Variants in PEX7 observed in about 807,000 individuals in gnomAD.
PEX7 encodes the protein PTS2 receptor.
PEX7 carries 34 observed loss-of-function variants against 47.5 expected under a neutral mutation model. The observed-to-expected ratio is 0.72, with a 90% CI of 0.54 to 0.95. The LOEUF (loss-of-function observed/expected upper bound fraction) is 0.95, where lower values mean the gene tolerates loss of function less well. Ranked by LOEUF, PEX7 falls within the 40% of genes least tolerant of loss-of-function variation. PEX7 has a pLI of 0.00. For synonymous variants in PEX7, 141 were observed against 148.8 expected (o/e 0.95, Z 0.38); for missense variants, 394 against 400.3 (o/e 0.98, Z 0.13).
rs1774097710 is a variant in PEX7 at position 136,822,691 on chromosome 6, C to A, written c.26C>A (p.Ala9Glu). Reference sequence around the variant, plus strand: ...ATGAGTGCGGTGTGCGGTGGAGCGGCGCGGATGCTGCGGACGCCGGGACGC... The same window carrying A: ...ATGAGTGCGGTGTGCGGTGGAGCGGAGCGGATGCTGCGGACGCCGGGACGC... The part of the protein sequence containing the change: MSAVCGGA[A>E]RMLRTPGRHG... The change falls in exon 1 of 10, where the codon GCG becomes GAG. Residue 9 changes from alanine to glutamate, a missense_variant. Physicochemically the swap from Ala to Glu is moderately radical, Grantham distance 107. Transcript: ENST00000318471. The A allele has an allele frequency of 6.6e-7, 1 of 1,520,600 alleles. No individual in the cohort carries two copies. The highest frequency in any genetic ancestry group is 8.8e-7 in the Non-Finnish European group (1 of 1,140,654). The allele number at this position is 1,520,600 out of a possible 1,614,324, so 94.2% of individuals were successfully genotyped here.
intron 8 of PEX7, among the ~76,000 whole-genome samples, chr6:136,885,254 G>C (rs1775449842): frequency 6.6e-6 from 1 of 152,146 alleles, no homozygotes; most frequent in Non-Finnish European, 1.5e-5. Context: ...AAGCTAAAAT[G>C]ACCAGTTTAG....
intron 8 of PEX7, among the ~76,000 whole-genome samples, chr6:136,894,883 A>G (rs1200139952): frequency 6.6e-6 from 1 of 152,240 alleles, no homozygotes; most frequent in Non-Finnish European, 1.5e-5. Context: ...CAAAACAAAC[A>G]TTTCACTTAA....
chr6:136,868,902 T>A (rs980444680), intron 6 of PEX7, among the ~76,000 whole-genome samples: 5 of 152,136 alleles, frequency 3.3e-5, no homozygotes, highest in Non-Finnish European at 5.9e-5. Flanking sequence ...ACTATTTGAT[T>A]ACATTCTTGG....
chr6:136,877,037 G>A (rs1210292052), intron 8 of PEX7, among the ~76,000 whole-genome samples: 1 of 152,182 alleles, frequency 6.6e-6, no homozygotes, highest in Non-Finnish European at 1.5e-5. Context: ...CATTCTAACT[G>A]TTGTGAGGTG....
chr6:136,838,377 T>G (rs1437495262), intron 3 of PEX7, among the ~76,000 whole-genome samples: 1 of 152,176 alleles, frequency 6.6e-6, no homozygotes, highest in Admixed American at 6.5e-5. Flanking sequence ...AGGCAAGACA[T>G]TCTACAAGAC....
At chr6:136,840,270 C>T (rs1395559904) in intron 3 of PEX7, among the ~76,000 whole-genome samples, 1 of 152,312 alleles carries the variant, frequency 6.6e-6, no homozygotes, top group Non-Finnish European at 1.5e-5. Context: ...CCATTAGCGT[C>T]CCCTGCTTAC....
At chr6:136,872,603 T>C (rs969666354) in intron 8 of PEX7, among the ~76,000 whole-genome samples, 1 of 152,190 alleles carries the variant, frequency 6.6e-6, no homozygotes, top group Non-Finnish European at 1.5e-5. Context: ...GGTCTAATTA[T>C]ATGAGTCGTA....
At position 136,866,677 on chromosome 6, in the gene PEX7, G is replaced by T. The variant is rs1388999826; in HGVS notation, c.577G>T (p.Val193Leu). 1 of 1,613,868 alleles carries T rather than the reference G, an allele frequency of 6.2e-7. No homozygotes were observed. The highest frequency in any genetic ancestry group is 8.5e-7 in the Non-Finnish European group (1 of 1,179,950). The change falls in exon 6 of 10, where the codon GTG (valine) becomes TTG (leucine). Residue 193 changes from valine to leucine, a missense_variant. Coordinates refer to ENST00000318471, the MANE Select transcript of PEX7 (RefSeq NM_000288.4). ...TGTGAAGGCAGCAGGAGTAAGAATC[G>T]TGATTCCTGCACATCAGGCAGAAAT... ...WDVKAAGVRI[V>L]IPAHQAEILS... is the part of the protein sequence containing the mutation.
At chr6:136,829,309 A>T (rs542510576) in intron 3 of PEX7, among the ~76,000 whole-genome samples, 2,784 of 152,252 alleles carry the variant, frequency 0.018, 29 homozygotes, top group Non-Finnish European at 0.029. Flanking sequence ...CAGGGTGCCC[A>T]CATGTTTGGG....
intron 5 of PEX7, among the ~76,000 whole-genome samples, chr6:136,853,961 T>A (rs183182115): frequency 1.4e-4 from 21 of 152,260 alleles, no homozygotes; most frequent in African/African-American, 5.1e-4. Context: ...CTGAATTAAA[T>A]CTTTTCTAAT....
chr6:136,907,230 A>G (rs1562760175), intron 9 of PEX7, among the ~76,000 whole-genome samples: 2 of 152,186 alleles, frequency 1.3e-5, no homozygotes, highest in Non-Finnish European at 2.9e-5. Context: ...GATTAATGTC[A>G]ACCACCTGAT....
chr6:136,874,668 CAAA>C (rs770483004), intron 8 of PEX7, among the ~76,000 whole-genome samples: 3 of 54,890 alleles, frequency 5.5e-5, no homozygotes, highest in African/African-American at 6.1e-5. Flanking sequence ...GACTTTGCCT[CAAA>C]AAAAAAAAAA....
At chr6:136,881,792 C>T (rs1195288290) in intron 8 of PEX7, among the ~76,000 whole-genome samples, 1 of 152,170 alleles carries the variant, frequency 6.6e-6, no homozygotes, top group Non-Finnish European at 1.5e-5. Context: ...TTACTTTTCT[C>T]TCCACTGTTA....
rs112796869 is a variant in PEX7, at chr6:136,913,650, A to T, written c.*124A>T. Reference sequence around the variant, plus strand: ...GCTATTCAGATTTCAAATCTTTCCAATTTACCCTGGAATCAGTTTTGAGGG... The same window carrying T: ...GCTATTCAGATTTCAAATCTTTCCATTTTACCCTGGAATCAGTTTTGAGGG... On this transcript the variant is annotated 3_prime_UTR_variant, in exon 10 of 10. Coordinates refer to ENST00000318471, the MANE Select transcript of PEX7 (RefSeq NM_000288.4). The T allele has an allele frequency of 2.5e-6, 2 of 784,814 alleles. No homozygotes were observed. Among genetic ancestry groups the T allele is most frequent in the African/African-American group, 3.4e-5 (2 of 58,998 alleles). The allele number at this position is 784,814 out of a possible 1,614,324, so 48.6% of individuals were successfully genotyped here. A position where few individuals can be genotyped will look rare whatever the true frequency, so the allele number is the denominator to read the frequency against.
chr6:136,844,379 A>G (rs1774557568), intron 3 of PEX7, among the ~76,000 whole-genome samples: 1 of 152,146 alleles, frequency 6.6e-6, no homozygotes, highest in Non-Finnish European at 1.5e-5. Context: ...TTGGAAAAAA[A>G]AAAAGAAAAA....
chr6:136,854,908 G>C (rs553916526), intron 5 of PEX7, among the ~76,000 whole-genome samples: 251 of 152,132 alleles, frequency 1.6e-3, no homozygotes, highest in African/African-American at 5.8e-3. Context: ...CAACCAACAT[G>C]GTGAAACCTG....
At chr6:136,906,414 C>G (rs936392309) in intron 9 of PEX7, among the ~76,000 whole-genome samples, 2 of 151,656 alleles carry the variant, frequency 1.3e-5, no homozygotes, top group Admixed American at 1.3e-4. Flanking sequence ...ATTGAATAAC[C>G]TATAGATATA....
At chr6:136,823,899 G>C (rs898134128) in intron 1 of PEX7, among the ~76,000 whole-genome samples, 4 of 152,178 alleles carry the variant, frequency 2.6e-5, no homozygotes, top group Non-Finnish European at 5.9e-5. Flanking sequence ...TCAAAAAAAA[G>C]AGTCCATCTA....
At chr6:136,849,015 G>A (rs1442254987) in intron 5 of PEX7, among the ~76,000 whole-genome samples, 18 of 152,124 alleles carry the variant, frequency 1.2e-4, no homozygotes, top group Non-Finnish European at 7.3e-5. Flanking sequence ...ATTAATTATT[G>A]CCTCAATTTC....
Sources: allele counts gnomAD v4.1 joint callset (sites outside exome capture counted in the v4.1 genomes callset), GRCh38; gene constraint gnomAD v4.1.1; transcripts MANE v1.5; gene names NCBI Gene and HGNC (gene_info 2026-07-23, HGNC 2026-07-21).